PDGFD: variants seen among roughly 807,000 people sequenced by gnomAD.
The protein encoded by PDGFD is platelet-derived growth factor D.
A neutral mutation model predicts 44.7 loss-of-function variants in PDGFD; 30 were observed. The observed-to-expected ratio is 0.67, with a 90% CI of 0.50 to 0.91. The LOEUF is 0.91. Among genes scored for constraint, PDGFD ranks in the 40% least tolerant of loss-of-function variants. The pLI is 0.00. For synonymous variants in PDGFD, 173 were observed against 168.4 expected (o/e 1.03, Z -0.21); for missense variants, 445 against 457.8 (o/e 0.97, Z 0.25).
intron 1 of PDGFD, among the ~76,000 whole-genome samples, chr11:104,158,690 G>A (rs769560578): frequency 9.3e-5 from 14 of 151,122 alleles, no homozygotes; most frequent in Non-Finnish European, 1.3e-4. Context: ...AAAATTAACC[G>A]GTCATGGTGG....
chr11:104,001,050 C>T (rs260860), intron 1 of PDGFD, among the ~76,000 whole-genome samples: 61,325 of 151,932 alleles, frequency 0.4, 13,602 homozygotes, highest in African/African-American at 0.59. Context: ...GGATGGGGGT[C>T]GGCCATGCCA....
intron 1 of PDGFD, among the ~76,000 whole-genome samples, chr11:104,102,485 G>A (rs1488163193): frequency 6.6e-6 from 1 of 152,224 alleles, no homozygotes; most frequent in African/African-American, 2.4e-5. Flanking sequence ...TGGTGGGACT[G>A]TAAACTAGTT....
intron 1 of PDGFD, among the ~76,000 whole-genome samples, chr11:104,034,216 A>G (rs1440152976): frequency 4.6e-5 from 7 of 151,658 alleles, no homozygotes; most frequent in Admixed American, 4.6e-4. Flanking sequence ...TTTACCCTTC[A>G]ATTTGTGTGT....
chr11:104,152,329 T>C (rs957960030), intron 1 of PDGFD, among the ~76,000 whole-genome samples: 1 of 152,204 alleles, frequency 6.6e-6, no homozygotes, highest in Non-Finnish European at 1.5e-5. Flanking sequence ...AGAAACTTTG[T>C]TGATGAAATT....
chr11:103,974,888 T>C (rs532274002), intron 3 of PDGFD, among the ~76,000 whole-genome samples: 40 of 152,332 alleles, frequency 2.6e-4, no homozygotes, highest in Non-Finnish European at 3.4e-4. Context: ...CTTTATCCAG[T>C]CTATCATTGA....
At chr11:103,931,072 T>C (rs930095116) in intron 5 of PDGFD, among the ~76,000 whole-genome samples, 6 of 152,216 alleles carry the variant, frequency 3.9e-5, no homozygotes, top group Admixed American at 6.5e-5. Context: ...CTAAAGATTC[T>C]AGTTTCTGTA....
At chr11:104,121,989 A>C (rs1042129155) in intron 1 of PDGFD, among the ~76,000 whole-genome samples, 1 of 152,080 alleles carries the variant, frequency 6.6e-6, no homozygotes, top group Non-Finnish European at 1.5e-5. Flanking sequence ...AGGGATATCC[A>C]AGTGTTTTTA....
At chr11:104,131,164 C>A (rs959658202) in intron 1 of PDGFD, among the ~76,000 whole-genome samples, 1 of 152,212 alleles carries the variant, frequency 6.6e-6, no homozygotes, top group East Asian at 1.9e-4. Context: ...TTAGGTCTCA[C>A]TGCTCTGTTT....
At chr11:103,946,708 G>A (rs1200203185) in intron 4 of PDGFD, among the ~76,000 whole-genome samples, 2 of 152,176 alleles carry the variant, frequency 1.3e-5, no homozygotes, top group African/African-American at 4.8e-5. Flanking sequence ...TTCAGAGCAT[G>A]TATTCTGGAC....
intron 1 of PDGFD, among the ~76,000 whole-genome samples, chr11:104,118,878 C>CAT (rs1415619227): frequency 1.0e-4 from 7 of 67,084 alleles, no homozygotes; most frequent in African/African-American, 3.8e-4. Context: ...TATTAATATA[C>CAT]ATATATATTA....
At chr11:104,101,785 T>C (rs1437030204) in intron 1 of PDGFD, among the ~76,000 whole-genome samples, 2 of 151,858 alleles carry the variant, frequency 1.3e-5, no homozygotes, top group Non-Finnish European at 1.5e-5. Context: ...TATCTACAAC[T>C]ATCTGATCTT....
chr11:104,049,734 G>A (rs2134405311), intron 1 of PDGFD, among the ~76,000 whole-genome samples: 1 of 152,258 alleles, frequency 6.6e-6, no homozygotes. Flanking sequence ...TTAATAAAAT[G>A]TTTCATGAAG....
At chr11:104,144,642 C>T (rs1862138355) in intron 1 of PDGFD, among the ~76,000 whole-genome samples, 1 of 151,948 alleles carries the variant, frequency 6.6e-6, no homozygotes, top group African/African-American at 2.4e-5. Context: ...CATTTTAACT[C>T]TTTATCACCA....
At chr11:103,944,640 G>A (rs756603921) in intron 4 of PDGFD, among the ~76,000 whole-genome samples, 5 of 152,166 alleles carry the variant, frequency 3.3e-5, no homozygotes, top group Non-Finnish European at 5.9e-5. Flanking sequence ...AGATTTGACT[G>A]TAGTATCTAA....
chr11:103,953,995 A>G (rs1424717544), intron 3 of PDGFD, among the ~76,000 whole-genome samples: 1 of 151,772 alleles, frequency 6.6e-6, no homozygotes, highest in African/African-American at 2.4e-5. Flanking sequence ...TTTGAGAACA[A>G]TTTACCCACT....
At chr11:104,100,801 G>A (rs182082144) in intron 1 of PDGFD, among the ~76,000 whole-genome samples, 8 of 152,156 alleles carry the variant, frequency 5.3e-5, no homozygotes, top group Admixed American at 2.0e-4. Context: ...TCAACATAAC[G>A]CAAATCAATA....
chr11:103,959,085 G>T (rs1858898310), intron 3 of PDGFD, among the ~76,000 whole-genome samples: 1 of 152,140 alleles, frequency 6.6e-6, no homozygotes, highest in Non-Finnish European at 1.5e-5. Context: ...CATTTTCTAA[G>T]AGAATCAGGA....
chr11:104,131,361 C>T (rs920959571), intron 1 of PDGFD, among the ~76,000 whole-genome samples: 5 of 152,110 alleles, frequency 3.3e-5, no homozygotes, highest in African/African-American at 7.2e-5. Flanking sequence ...TGCTGCCTTG[C>T]CAGTGGTGAG....
At chr11:104,092,469 G>T (rs1281966059) in intron 1 of PDGFD, among the ~76,000 whole-genome samples, 2 of 152,002 alleles carry the variant, frequency 1.3e-5, no homozygotes, top group African/African-American at 2.4e-5. Context: ...TACAACAATA[G>T]CAAAACAGAC....
Sources: allele counts gnomAD v4.1 joint callset (sites outside exome capture counted in the v4.1 genomes callset), GRCh38; gene constraint gnomAD v4.1.1; transcripts MANE v1.5; gene names NCBI Gene and HGNC (gene_info 2026-07-23, HGNC 2026-07-21).